The following ESR1 variants were observed in gnomAD, a reference collection of about 807,000 sequenced individuals.
ESR1 encodes the protein estrogen receptor 1.
In ESR1, 12 loss-of-function variants were observed where a neutral mutation model predicts 52.7. The observed-to-expected ratio is 0.23, with a 90% CI of 0.15 to 0.37. The LOEUF (loss-of-function observed/expected upper bound fraction) is 0.37. ESR1 is among the 10% of genes least tolerant of loss of function. The pLI, the probability that ESR1 is intolerant of heterozygous loss-of-function variation, is 1.00. For missense variants in ESR1, 584 were observed against 779.7 expected, an observed-to-expected ratio of 0.75 and a Z score of 2.99; for synonymous variants, 305 against 316.8, an observed-to-expected ratio of 0.96 and a Z score of 0.39.
At chr6:151,889,441 T>C (rs1046642903) in intron 3 of ESR1, among the ~76,000 whole-genome samples, 5 of 152,276 alleles carry the variant, frequency 3.3e-5, no homozygotes, top group African/African-American at 1.2e-4. Flanking sequence ...ATCCAAGTTG[T>C]TGGTGTGTAA....
intron 4 of ESR1, among the ~76,000 whole-genome samples, chr6:151,969,383 G>C (rs942081885): frequency 1.3e-5 from 2 of 152,206 alleles, no homozygotes; most frequent in African/African-American, 4.8e-5. Flanking sequence ...GGAAGTAGCA[G>C]ACCAAAATGG....
At chr6:151,826,452 C>T (rs1304907174) in intron 1 of ESR1, among the ~76,000 whole-genome samples, 2 of 152,186 alleles carry the variant, frequency 1.3e-5, no homozygotes, top group African/African-American at 2.4e-5. Context: ...TCAGCCTGTG[C>T]TGCGAGGCCT....
intron 2 of ESR1, among the ~76,000 whole-genome samples, chr6:151,797,199 A>C (rs1325800560): frequency 6.6e-6 from 1 of 152,258 alleles, no homozygotes; most frequent in Non-Finnish European, 1.5e-5. Context: ...TCTGTTAAGC[A>C]CATAGTGAAG....
At chr6:151,964,595 T>C (rs1280315817) in intron 4 of ESR1, among the ~76,000 whole-genome samples, 1 of 152,154 alleles carries the variant, frequency 6.6e-6, no homozygotes, top group Non-Finnish European at 1.5e-5. Flanking sequence ...TTTCTGTATA[T>C]ATGATGATGT....
intron 1 of ESR1, among the ~76,000 whole-genome samples, chr6:151,837,292 G>C (rs1783514575): frequency 6.6e-6 from 1 of 151,752 alleles, no homozygotes; most frequent in East Asian, 1.9e-4. Context: ...CAGAGATGGG[G>C]TTTCACCATC....
chr6:152,085,506 G>A (rs1214059474), intron 6 of ESR1, among the ~76,000 whole-genome samples: 3 of 152,086 alleles, frequency 2.0e-5, no homozygotes, highest in Non-Finnish European at 2.9e-5. Flanking sequence ...GGGGAGAGTC[G>A]TCAACCAGGG....
chr6:152,064,921 A>G (rs931137820), intron 6 of ESR1, among the ~76,000 whole-genome samples: 1 of 152,214 alleles, frequency 6.6e-6, no homozygotes, highest in African/African-American at 2.4e-5. Context: ...ATTAAATGGA[A>G]AAAGCAAGAC....
rs1778148966 is a variant in ESR1, at chr6:151,807,971, G to A, written c.59G>A (p.Gly20Glu). ...SGMALLHQIQ[G>E]NELEPLNRPQ... ...ATGGCCCTACTGCATCAGATCCAAG[G>A]GAACGAGCTGGAGCCCCTGAACCGT... Residue 20 changes from glycine to glutamate, a missense_variant, in exon 1 of 8, where the codon GGG becomes GAG. This residue lies in a region of ESR1 where 251 missense variants were observed against 246.1 expected (regional missense o/e 1.02). Transcript: ENST00000206249. 1 of 1,614,000 alleles carries A rather than the reference G, an allele frequency of 6.2e-7. No homozygotes were observed.
chr6:151,741,745 C>A (rs189781881), intron 2 of ESR1, among the ~76,000 whole-genome samples: 231 of 152,240 alleles, frequency 1.5e-3, no homozygotes, highest in African/African-American at 5.4e-3. Flanking sequence ...ATGATTACTA[C>A]AGTGAGGCAA....
intron 2 of ESR1, among the ~76,000 whole-genome samples, chr6:151,785,868 G>C (rs1786972871): frequency 2.0e-5 from 3 of 152,214 alleles, no homozygotes; most frequent in African/African-American, 7.2e-5. Flanking sequence ...GTTATCTGAT[G>C]CCTGTGTGTT....
chr6:151,933,466 C>T lies in ESR1; in HGVS notation c.761-10707C>T, dbSNP rs558638826. On this transcript the variant is annotated intron_variant, in intron 3 of 7. Coordinates refer to ENST00000206249, the MANE Select transcript of ESR1 (RefSeq NM_000125.4). ...TTTATTTCCTTCTCCTGCCTAATTG[C>T]CCTGGCCAGAACTTCCAACACTATG... Among the ~76,000 whole-genome samples the T allele has an allele frequency of 9.9e-3, 1,489 of 150,184 alleles. 17 individuals carry two copies. Among genetic ancestry groups the T allele is most frequent in the African/African-American group, 0.036 (1,451 of 40,684 alleles).
intron 3 of ESR1, among the ~76,000 whole-genome samples, chr6:151,890,839 C>T (rs903029815): frequency 3.9e-5 from 6 of 152,120 alleles, no homozygotes; most frequent in African/African-American, 1.4e-4. Flanking sequence ...TCATAGAATG[C>T]CTTTTTTGGT....
chr6:151,986,903 ATG>A (rs140628128), intron 4 of ESR1, among the ~76,000 whole-genome samples: 3,177 of 149,752 alleles, frequency 0.021, 112 homozygotes, highest in African/African-American at 0.05. Flanking sequence ...GTGTGTGAGC[ATG>A]TGTGTGTGTG....
At chr6:152,096,494 T>C (rs1008619670) in intron 7 of ESR1, among the ~76,000 whole-genome samples, 2 of 152,204 alleles carry the variant, frequency 1.3e-5, no homozygotes, top group African/African-American at 4.8e-5. Flanking sequence ...CAGTGCCATA[T>C]GTGAAGACTT....
chr6:151,745,063 A>G (rs994265232), intron 2 of ESR1, among the ~76,000 whole-genome samples: 1 of 152,152 alleles, frequency 6.6e-6, no homozygotes, highest in African/African-American at 2.4e-5. Context: ...ATCTCCCACC[A>G]TACTACCAGT....
At chr6:152,030,393 A>G (rs1322094130) in intron 5 of ESR1, among the ~76,000 whole-genome samples, 1 of 152,104 alleles carries the variant, frequency 6.6e-6, no homozygotes, top group African/African-American at 2.4e-5. Flanking sequence ...CAGGAAACCC[A>G]TCTCACGTGC....
At chr6:151,904,099 A>G (rs1027480755) in intron 3 of ESR1, among the ~76,000 whole-genome samples, 2 of 152,226 alleles carry the variant, frequency 1.3e-5, no homozygotes, top group Middle Eastern at 3.2e-3. Context: ...AAGTAATATC[A>G]CAACCATAAT....
At chr6:152,014,496 ACACT>A (rs35593374) in intron 5 of ESR1, among the ~76,000 whole-genome samples, 38,783 of 151,694 alleles carry the variant, frequency 0.26, 6,912 homozygotes, top group African/African-American at 0.49. Flanking sequence ...TCTAAACTGC[ACACT>A]CACTTTATCT....
At chr6:151,741,037 C>T (rs1783055864) in intron 2 of ESR1, among the ~76,000 whole-genome samples, 1 of 152,098 alleles carries the variant, frequency 6.6e-6, no homozygotes, top group South Asian at 2.1e-4. Flanking sequence ...CAGCCAGCTT[C>T]CTTTATAGGG....
Sources: allele counts gnomAD v4.1 joint callset (sites outside exome capture counted in the v4.1 genomes callset), GRCh38; gene constraint gnomAD v4.1.1; regional missense constraint gnomAD v4.1.1; transcripts MANE v1.5; gene names NCBI Gene and HGNC (gene_info 2026-07-23, HGNC 2026-07-21).